AKAIN1: variants seen among roughly 807,000 people sequenced by gnomAD.
AKAIN1 encodes the protein A-kinase anchor protein inhibitor 1.
Under a neutral mutation model 3.7 loss-of-function variants are expected in AKAIN1, and 3 were observed. That is an observed-to-expected ratio of 0.82 (90% CI 0.37 to 2.12). The LOEUF (loss-of-function observed/expected upper bound fraction) is 2.12, where lower values mean the gene tolerates loss of function less well. Among genes scored for constraint, AKAIN1 ranks in the 30% most tolerant of loss-of-function variants. AKAIN1 has a pLI of 0.06. For missense variants in AKAIN1, 82 were observed against 82.7 expected, an observed-to-expected ratio of 0.99 and a Z score of 0.03; for synonymous variants, 31 against 30.8, an observed-to-expected ratio of 1.01 and a Z score of -0.02.
intron 1 of AKAIN1, among the ~76,000 whole-genome samples, chr18:5,161,555 G>A: frequency 6.6e-6 from 1 of 151,638 alleles, no homozygotes; most frequent in Admixed American, 6.6e-5. Context: ...ATGCTGGTTG[G>A]AGCCTCTATT....
At chr18:5,152,209 G>A (rs2071084157) in intron 1 of AKAIN1, among the ~76,000 whole-genome samples, 1 of 152,202 alleles carries the variant, frequency 6.6e-6, no homozygotes, top group Admixed American at 6.5e-5. Context: ...ACTAGATACT[G>A]CCAGTGCATC....
intron 1 of AKAIN1, among the ~76,000 whole-genome samples, chr18:5,185,429 A>T (rs1259685896): frequency 6.6e-6 from 1 of 152,164 alleles, no homozygotes; most frequent in East Asian, 1.9e-4. Context: ...TGGTAGAAAA[A>T]TATTTACGAA....
chr18:5,189,756 CT>C (rs112388700), intron 1 of AKAIN1, among the ~76,000 whole-genome samples: 6,608 of 148,726 alleles, frequency 0.044, 444 homozygotes, highest in East Asian at 0.3. Context: ...CTACAGCTCT[CT>C]TTTTTTTTTT....
At chr18:5,195,015 C>T (rs1016904295) in intron 1 of AKAIN1, among the ~76,000 whole-genome samples, 2 of 152,176 alleles carry the variant, frequency 1.3e-5, no homozygotes, top group African/African-American at 4.8e-5. Flanking sequence ...GAATAATACA[C>T]ATCACTATAC....
In AKAIN1 at chr18:5,143,932, A is replaced by C. The variant is rs2071034660; in HGVS notation, c.*1630T>G. 6.6e-6 allele frequency among the ~76,000 whole-genome samples: 1 copy of C among 152,242 alleles called. No homozygotes were observed. The highest frequency in any genetic ancestry group is 2.4e-5 in the African/African-American group (1 of 41,466). ...TTTATTTTATTTGTGGCACTCCTGA[A>C]TAATTTCCCTGAATACCTTCATTCT... On this transcript the variant is annotated 3_prime_UTR_variant, in exon 2 of 2. Transcript: ENST00000434239.
rs1295894184 is a variant in AKAIN1, at chr18:5,157,869, C to A, written c.17-12114G>T. 2.6e-5 allele frequency among the ~76,000 whole-genome samples: 4 copies of A among 151,962 alleles called. 1 individual carries two copies. The East Asian group carries it at 5.8e-4, about 22-fold the overall frequency. ...CCAGCTAATTTTTTAAATTTTTAAT[C>A]TTTTTGCAGAGATAGGGTCTCACTA... On this transcript the variant is annotated intron_variant, in intron 1 of 1. Transcript: ENST00000434239.
chr18:5,167,368 T>C (rs994540243), intron 1 of AKAIN1, among the ~76,000 whole-genome samples: 4 of 152,068 alleles, frequency 2.6e-5, no homozygotes, highest in Non-Finnish European at 4.4e-5. Flanking sequence ...TCACTGGCAA[T>C]GGAAATGTAA....
chr18:5,165,958 C>A (rs1418041397), intron 1 of AKAIN1, among the ~76,000 whole-genome samples: 1 of 152,014 alleles, frequency 6.6e-6, no homozygotes, highest in African/African-American at 2.4e-5. Context: ...TTCAACAATT[C>A]ACTTGTCATG....
intron 1 of AKAIN1, among the ~76,000 whole-genome samples, chr18:5,157,180 G>C (rs566365112): frequency 6.6e-6 from 1 of 152,128 alleles, no homozygotes; most frequent in Non-Finnish European, 1.5e-5. Flanking sequence ...TCACACACGG[G>C]ATTAGATCTG....
intron 1 of AKAIN1, among the ~76,000 whole-genome samples, chr18:5,154,277 G>C (rs1042046239): frequency 2.6e-5 from 4 of 152,146 alleles, no homozygotes; most frequent in Non-Finnish European, 5.9e-5. Context: ...ACTGGAGGTA[G>C]AGGCACAGAG....
chr18:5,143,870 C>A lies in AKAIN1; in HGVS notation c.*1692G>T, dbSNP rs1220210184. Among the ~76,000 whole-genome samples the A allele has an allele frequency of 1.3e-5, 2 of 152,114 alleles. No homozygotes were observed. The highest frequency in any genetic ancestry group is 2.4e-5 in the African/African-American group (1 of 41,410). On this transcript the variant is annotated 3_prime_UTR_variant, in exon 2 of 2. Transcript: ENST00000434239. Reference sequence around the variant, plus strand: ...CCAGATATCTGAGTAGACATAGTACCAGATCACTTACAAACTACAAGCATT... The same window carrying A: ...CCAGATATCTGAGTAGACATAGTACAAGATCACTTACAAACTACAAGCATT...
chr18:5,166,706 A>G (rs2071169775), intron 1 of AKAIN1, among the ~76,000 whole-genome samples: 1 of 152,124 alleles, frequency 6.6e-6, no homozygotes, highest in African/African-American at 2.4e-5. Flanking sequence ...ACCATTACTC[A>G]ATAAGGCATT....
intron 1 of AKAIN1, among the ~76,000 whole-genome samples, chr18:5,151,937 C>T (rs2071082174): frequency 6.6e-6 from 1 of 152,164 alleles, no homozygotes; most frequent in African/African-American, 2.4e-5. Flanking sequence ...GTATTGTAGA[C>T]TAAAATGTTG....
intron 1 of AKAIN1, among the ~76,000 whole-genome samples, chr18:5,150,642 T>C (rs997737156): frequency 2.6e-5 from 4 of 152,182 alleles, no homozygotes; most frequent in Non-Finnish European, 5.9e-5. Context: ...GATCACCCAG[T>C]GCTCCCCCAT....
rs760476745 is a variant in AKAIN1 at position 5,143,888 on chromosome 18, C to T, written c.*1674G>A. 2.0e-5 allele frequency among the ~76,000 whole-genome samples: 3 copies of T among 152,188 alleles called. No homozygotes were observed. The highest frequency in any genetic ancestry group is 4.4e-5 in the Non-Finnish European group (3 of 68,028). ...ATAGTACCAGATCACTTACAAACTA[C>T]AAGCATTAGATTTATTTATTTATTT... On this transcript the variant is annotated 3_prime_UTR_variant, in exon 2 of 2. Coordinates refer to ENST00000434239, the MANE Select transcript of AKAIN1 (RefSeq NM_001145194.2).
At position 5,189,756 on chromosome 18, in the gene AKAIN1, C is replaced by CTT. The variant is rs112388700; in HGVS notation, c.16+7280_16+7281dup. Among the ~76,000 whole-genome samples the CTT allele has an allele frequency of 4.3e-3, 647 of 148,760 alleles. 5 individuals are homozygous for CTT. The highest frequency in any genetic ancestry group is 0.03 in the Admixed American group (454 of 14,988). On this transcript the variant is annotated intron_variant, in intron 1 of 1. Coordinates refer to ENST00000434239, the MANE Select transcript of AKAIN1 (RefSeq NM_001145194.2). ...AATTTCAGACTTTTCCTACAGCTCT[C>CTT]TTTTTTTTTTTCTGAGCCCCCACAA...
chr18:5,171,250 A>C (rs2071196155), intron 1 of AKAIN1, among the ~76,000 whole-genome samples: 2 of 152,174 alleles, frequency 1.3e-5, no homozygotes, highest in South Asian at 2.1e-4. Flanking sequence ...TTAATAAGTA[A>C]TTATCAAAAG....
At chr18:5,172,315 T>G (rs2071202185) in intron 1 of AKAIN1, among the ~76,000 whole-genome samples, 1 of 152,134 alleles carries the variant, frequency 6.6e-6, no homozygotes, top group African/African-American at 2.4e-5. Flanking sequence ...ACTTAGAATT[T>G]TTTAATACAA....
At chr18:5,149,455 G>A (rs961303223) in intron 1 of AKAIN1, among the ~76,000 whole-genome samples, 1 of 152,150 alleles carries the variant, frequency 6.6e-6, no homozygotes, top group African/African-American at 2.4e-5. Flanking sequence ...CCGTTCAGCT[G>A]AGCTTCATAT....
Sources: allele counts gnomAD v4.1 joint callset (sites outside exome capture counted in the v4.1 genomes callset), GRCh38; gene constraint gnomAD v4.1.1; transcripts MANE v1.5; gene names NCBI Gene and HGNC (gene_info 2026-07-23, HGNC 2026-07-21).